The following DLX5 variants were observed in gnomAD, a reference collection of about 807,000 sequenced individuals.
DLX5 encodes the protein distal-less homeobox 5.
In DLX5, 8 loss-of-function variants were observed where a neutral mutation model predicts 27.1. The observed-to-expected ratio is 0.30, with a 90% CI of 0.17 to 0.53. The LOEUF is 0.53. Ranked by LOEUF, DLX5 falls within the 20% of genes least tolerant of loss-of-function variation. DLX5 has a pLI of 0.95. For missense variants in DLX5, 339 were observed against 375.1 expected, an observed-to-expected ratio of 0.90 and a Z score of 0.80; for synonymous variants, 178 against 161.9, an observed-to-expected ratio of 1.10 and a Z score of -0.75.
intron 1 of DLX5, chr7:97,022,572 T>C: frequency 1.0e-6 from 1 of 985,496 alleles, no homozygotes; most frequent in Non-Finnish European, 1.2e-6. Flanking sequence ...GATTAATTCC[T>C]ACTCTGTTCA....
chr7:97,024,711 G>C lies in DLX5; in HGVS notation c.-88C>G. 8.5e-7 allele frequency: 1 copy of C among 1,170,436 alleles called. No homozygotes were observed. Among genetic ancestry groups the C allele is most frequent in the Non-Finnish European group, 1.2e-6 (1 of 829,560 alleles). 72.5% of individuals were successfully genotyped at this position (1,170,436 alleles called of 1,614,324 possible). A position where few individuals can be genotyped will look rare whatever the true frequency, so the allele number is the denominator to read the frequency against. On this transcript the variant is annotated 5_prime_UTR_variant, in exon 1 of 3. Coordinates refer to ENST00000648378, the MANE Select transcript of DLX5 (RefSeq NM_005221.6). This position sits in a 1 kb window ranked among gnomAD's most constrained non-coding sequence, Gnocchi z 4.6. The stretch of plus-strand genomic sequence containing the variant: ...CTGTGGGGCTGCTCTGGTCTAAGCA[G>C]ACATGGCTGTGGGAGCGAGGGAGGA...
intron 1 of DLX5, among the ~76,000 whole-genome samples, chr7:97,023,508 C>A (rs1187111966): frequency 1.3e-5 from 2 of 151,974 alleles, no homozygotes; most frequent in Non-Finnish European, 2.9e-5. Context: ...ACCTCTCCGC[C>A]GAGCCTCATG....
chr7:97,021,167 C>G, intron 2 of DLX5, 102 bp from the exon 3 acceptor site: 1 of 1,135,634 alleles, frequency 8.8e-7, no homozygotes, highest in Non-Finnish European at 1.2e-6. Flanking sequence ...CTGGGCGGCC[C>G]AGCCCTGCCT....
chr7:97,022,357 G>A lies in DLX5; in HGVS notation c.368C>T (p.Thr123Ile), dbSNP rs1790087461. Residue 123 changes from threonine to isoleucine, a missense_variant, in exon 2 of 3, where the codon ACC becomes ATC. Transcript: ENST00000648378. ...ATTCACCATTCTCACCTCGGGCTCG[G>A]TCACTTCTTTCTCTAAATAATCAAA... is the stretch of plus-strand genomic sequence containing the variant. ...SATNQPEKEVTEPEVRMVNGK... is the reference protein window; with the variant it reads ...SATNQPEKEVIEPEVRMVNGK... 3 of 1,613,866 alleles carry A rather than the reference G, an allele frequency of 1.9e-6. No individual in the cohort carries two copies. The highest frequency in any genetic ancestry group is 2.5e-6 in the Non-Finnish European group (3 of 1,180,044).
At chr7:97,021,711 C>G (rs555985257) in intron 2 of DLX5, among the ~76,000 whole-genome samples, 1 of 152,300 alleles carries the variant, frequency 6.6e-6, no homozygotes, top group African/African-American at 2.4e-5. Context: ...GTGGCCGTGG[C>G]CTGAAGCTCC....
intron 2 of DLX5, among the ~76,000 whole-genome samples, chr7:97,021,529 C>T (rs548902851): frequency 6.6e-6 from 1 of 152,328 alleles, no homozygotes; most frequent in East Asian, 1.9e-4. Flanking sequence ...GTCCTACTCC[C>T]TTCACTCCCT....
Position 97,022,650 on chromosome 7 carries a change from T to TG in DLX5, c.356-282dup, listed in dbSNP as rs1170611842. The TG allele has an allele frequency of 4.0e-5, 39 of 965,884 alleles. No homozygotes were observed. The African/African-American group carries it at 6.3e-4, about 16-fold the overall frequency. 59.8% of individuals were successfully genotyped at this position (965,884 alleles called of 1,614,324 possible). On this transcript the variant is annotated intron_variant, in intron 1 of 2. Coordinates refer to ENST00000648378, the MANE Select transcript of DLX5 (RefSeq NM_005221.6). Reference sequence around the variant, plus strand: ...TCCTTGGCATCTGGGATTCAGCTCTTGCGGTCGTTGCTTCTTCTCCCGGAC... The same window carrying TG: ...TCCTTGGCATCTGGGATTCAGCTCTTGGCGGTCGTTGCTTCTTCTCCCGGAC...
rs755399640 is a variant in DLX5, at chr7:97,020,895, A to G, written c.711T>C (p.Pro237=). ...QGSSRSLSHH[P]HAHPPTSNQS... ...GGTTGGAGGTCGGAGGGTGGGCATG[A>G]GGGTGGTGGCTGAGCGAGCGGGACG... The change falls in exon 3 of 3, where the codon CCT becomes CCC. Residue 237 remains proline (P), a synonymous_variant. Coordinates refer to ENST00000648378, the MANE Select transcript of DLX5 (RefSeq NM_005221.6). 2 of 1,614,112 alleles carry G rather than the reference A, an allele frequency of 1.2e-6. No individual in the cohort carries two copies. The highest frequency in any genetic ancestry group is 3.3e-5 in the Admixed American group (2 of 60,016).
In DLX5 at chr7:97,022,151, AGGCAGGTCTAGTGCAT is replaced by A. The variant is rs753085889; in HGVS notation, c.540+18_540+33del. 2.6e-5 allele frequency: 42 copies of A among 1,612,500 alleles called. No individual in the cohort carries two copies. The highest frequency in any genetic ancestry group is 1.7e-4 in the Middle Eastern group (1 of 6,050). On this transcript the variant is annotated intron_variant, in intron 2 of 2. Coordinates refer to ENST00000648378, the MANE Select transcript of DLX5 (RefSeq NM_005221.6). ...CGCGACCCAACCAGACGTGCAGCTC[AGGCAGGTCTAGTGCAT>A]GGCAGCGCCGTATTTACCTGTGTTT...
At chr7:97,021,149 TC>T in intron 2 of DLX5, 84 bp from the exon 3 acceptor site, 1 of 1,338,980 alleles carries the variant, frequency 7.5e-7, no homozygotes, top group African/African-American at 1.5e-5. Flanking sequence ...GGAGGCATCT[TC>T]GGACCTCTGG....
chr7:97,023,517 T>G (rs1320214935), intron 1 of DLX5, among the ~76,000 whole-genome samples: 2 of 152,080 alleles, frequency 1.3e-5, no homozygotes, highest in African/African-American at 4.8e-5. Flanking sequence ...CCGAGCCTCA[T>G]GCCTTTCTCT....
intron 2 of DLX5, chr7:97,021,937 G>T (rs947008422): frequency 4.9e-6 from 3 of 607,296 alleles, no homozygotes; most frequent in Non-Finnish European, 8.7e-6. Context: ...CCACAGCTCC[G>T]GAGGCCCGCT....
rs770665967 is a variant in DLX5, at chr7:97,020,863, G to C, written c.743C>G (p.Pro248Arg). The change falls in exon 3 of 3, where the codon CCA (proline) becomes CGA (arginine). Residue 248 changes from proline to arginine, a missense_variant. Physicochemically the swap from Pro to Arg is moderately radical, Grantham distance 103. This residue lies in a region of DLX5 where 136 missense variants were observed against 130.3 expected (regional missense o/e 1.04). Transcript: ENST00000648378. ...HAHPPTSNQS[P>R]ASSYLENSAS... ...AGAGTTCTCCAGGTAGCTGGACGCTGGGGACTGGTTGGAGGTCGGAGGGTG... is the reference window on the plus strand; with the variant it reads ...AGAGTTCTCCAGGTAGCTGGACGCTCGGGACTGGTTGGAGGTCGGAGGGTG... 1 of 1,614,182 alleles carries C rather than the reference G, an allele frequency of 6.2e-7. No homozygotes were observed. Among genetic ancestry groups the C allele is most frequent in the Non-Finnish European group, 8.5e-7 (1 of 1,180,038 alleles).
chr7:97,024,743 A>G lies in DLX5; in HGVS notation c.-120T>C. On this transcript the variant is annotated 5_prime_UTR_variant, in exon 1 of 3. Transcript: ENST00000648378. The surrounding 1 kb of genome is among the most constrained non-coding windows in gnomAD (Gnocchi z 4.6). ...CTGTGGGAGCGAGGGAGGAGGAGGA[A>G]GAGGAGGAGGAGAGAAGGAGGAGGC... 4 of 884,970 alleles carry G rather than the reference A, an allele frequency of 4.5e-6. No homozygotes were observed. The highest frequency in any genetic ancestry group is 1.7e-5 in the South Asian group (1 of 57,270). The allele number at this position is 884,970 out of a possible 1,614,324, so 54.8% of individuals were successfully genotyped here. A position where few individuals can be genotyped will look rare whatever the true frequency, so the allele number is the denominator to read the frequency against.
chr7:97,020,968 A>T lies in DLX5; in HGVS notation c.638T>A (p.Met213Lys), dbSNP rs1207061831. 1 of 1,613,922 alleles carries T rather than the reference A, an allele frequency of 6.2e-7. No individual in the cohort carries two copies. Among genetic ancestry groups the T allele is most frequent in the Non-Finnish European group, 8.5e-7 (1 of 1,180,034 alleles). ...PEHSPSSSDPMACNSPQSPAV... is the reference protein window; with the variant it reads ...PEHSPSSSDPKACNSPQSPAV... ...TGGAGACTGCGGCGAGTTACACGCC[A>T]TTGGGTCGCTGGAGCTGGGACTGTG... The change falls in exon 3 of 3, where the codon ATG becomes AAG. Residue 213 changes from methionine (M) to lysine (K), a missense_variant. By Grantham distance (95) the Met-to-Lys change is moderately conservative. Coordinates refer to ENST00000648378, the MANE Select transcript of DLX5 (RefSeq NM_005221.6).
At chr7:97,023,768 CCCA>C (rs1790126400) in intron 1 of DLX5, among the ~76,000 whole-genome samples, 1 of 150,662 alleles carries the variant, frequency 6.6e-6, no homozygotes. Context: ...CCTTAACCCC[CCCA>C]CCCCCACCCA....
At position 97,020,963 on chromosome 7, in the gene DLX5, A is replaced by G; in HGVS notation, c.643T>C (p.Cys215Arg). ...ACCGCTGGAGACTGCGGCGAGTTACACGCCATTGGGTCGCTGGAGCTGGGA... is the reference window on the plus strand; with the variant it reads ...ACCGCTGGAGACTGCGGCGAGTTACGCGCCATTGGGTCGCTGGAGCTGGGA... ...HSPSSSDPMA[C>R]NSPQSPAVWE... Residue 215 changes from cysteine (C) to arginine (R), a missense_variant, in exon 3 of 3, where the codon TGT becomes CGT. Cys to Arg is a radical substitution (Grantham distance 180, BLOSUM62 -3). This residue lies in a region of DLX5 where 136 missense variants were observed against 130.3 expected (regional missense o/e 1.04). Transcript: ENST00000648378. 6.2e-7 allele frequency: 1 copy of G among 1,613,958 alleles called. No individual in the cohort carries two copies. Among genetic ancestry groups the G allele is most frequent in the Non-Finnish European group, 8.5e-7 (1 of 1,180,048 alleles).
chr7:97,021,960 C>G, intron 2 of DLX5: 1 of 617,950 alleles, frequency 1.6e-6, no homozygotes, highest in South Asian at 2.0e-5. Context: ...GGGGTGGGGG[C>G]GGGGGGCGCG....
rs763609484 is a variant in DLX5, at chr7:97,020,703, T to C, written c.*33A>G. On this transcript the variant is annotated 3_prime_UTR_variant, in exon 3 of 3. Coordinates refer to ENST00000648378, the MANE Select transcript of DLX5 (RefSeq NM_005221.6). The stretch of plus-strand genomic sequence containing the variant: ...TTTCTAGAACAGCAAAACACAGTAG[T>C]CCCAAAAAAGAGAGTAAGAGAGAGC... 1 of 1,503,272 alleles carries C rather than the reference T, an allele frequency of 6.7e-7. No homozygotes were observed. The highest frequency in any genetic ancestry group is 8.9e-7 in the Non-Finnish European group (1 of 1,122,106). 93.1% of individuals were successfully genotyped at this position (1,503,272 alleles called of 1,614,324 possible). A position where few individuals can be genotyped will look rare whatever the true frequency, so the allele number is the denominator to read the frequency against.
Sources: allele counts gnomAD v4.1 joint callset (sites outside exome capture counted in the v4.1 genomes callset), GRCh38; gene constraint gnomAD v4.1.1; regional missense constraint gnomAD v4.1.1; non-coding constraint Gnocchi (gnomAD v3.1); transcripts MANE v1.5; gene names NCBI Gene and HGNC (gene_info 2026-07-23, HGNC 2026-07-21).